SSUH2: variants seen among roughly 807,000 people sequenced by gnomAD.
SSUH2 encodes the protein ssu-2 homolog, also known as protein SSUH2 homolog.
Under a neutral mutation model 55.3 loss-of-function variants are expected in SSUH2, and 47 were observed. That is an observed-to-expected ratio of 0.85 (90% CI 0.67 to 1.08). The LOEUF is 1.08. Among genes scored for constraint, SSUH2 ranks in the 50% least tolerant of loss-of-function variants. The pLI, the probability that SSUH2 is intolerant of heterozygous loss-of-function variation, is 0.00. For missense variants in SSUH2, 535 were observed against 490.7 expected (o/e 1.09, Z -0.85); for synonymous variants, 212 against 191.5 (o/e 1.11, Z -0.89).
chr3:8,668,650 G>A (rs537978268), intron 5 of SSUH2, among the ~76,000 whole-genome samples: 57 of 152,274 alleles, frequency 3.7e-4, no homozygotes, highest in African/African-American at 1.3e-3. Context: ...TATTAGGGAT[G>A]AATTAACCTT....
At chr3:8,642,802 T>C (rs1053377818) in intron 1 of SSUH2, among the ~76,000 whole-genome samples, 5 of 152,204 alleles carry the variant, frequency 3.3e-5, no homozygotes, top group Non-Finnish European at 7.3e-5. Context: ...ATTTAAATTA[T>C]GTAAGGCCTG....
chr3:8,680,065 C>A (rs1447317996), intron 1 of SSUH2, among the ~76,000 whole-genome samples: 3 of 152,144 alleles, frequency 2.0e-5, no homozygotes, highest in African/African-American at 7.2e-5. Flanking sequence ...CCCGATCTGA[C>A]AAAGCCTTTT....
intron 5 of SSUH2, among the ~76,000 whole-genome samples, chr3:8,665,349 G>A (rs11716655): frequency 0.046 from 7,037 of 152,152 alleles, 216 homozygotes; most frequent in Middle Eastern, 0.071. Context: ...GAGGACCCTC[G>A]GTCATCTTTT....
chr3:8,628,992 A>G (rs1698185990), intron 7 of SSUH2, among the ~76,000 whole-genome samples: 1 of 152,148 alleles, frequency 6.6e-6, no homozygotes, highest in Non-Finnish European at 1.5e-5. Context: ...AGTAGCTGGG[A>G]CTACAGGCGC....
chr3:8,630,158 C>A (rs1034641371), intron 6 of SSUH2, among the ~76,000 whole-genome samples: 2 of 152,200 alleles, frequency 1.3e-5, no homozygotes, highest in Non-Finnish European at 2.9e-5. Flanking sequence ...ATAGCCTTGG[C>A]CCCCTTGAGA....
At chr3:8,656,834 T>C (rs1215023972) in intron 7 of SSUH2, among the ~76,000 whole-genome samples, 2 of 151,964 alleles carry the variant, frequency 1.3e-5, no homozygotes, top group Non-Finnish European at 2.9e-5. Context: ...TCCTCTTCCA[T>C]GGGATTTACC....
At chr3:8,652,222 G>A (rs2125324999) in intron 7 of SSUH2, 1 of 152,478 alleles carries the variant, frequency 6.6e-6, no homozygotes, top group East Asian at 1.9e-4. Flanking sequence ...CAAGCACACA[G>A]AGCCCTCCTC....
At chr3:8,651,229 T>A (rs538538285) in intron 7 of SSUH2, among the ~76,000 whole-genome samples, 2 of 152,238 alleles carry the variant, frequency 1.3e-5, no homozygotes, top group Non-Finnish European at 2.9e-5. Context: ...CCCGTCCTTG[T>A]GTTTGCAGAG....
At chr3:8,678,623 C>CT (rs56000478) in intron 2 of SSUH2, among the ~76,000 whole-genome samples, 10 of 63,652 alleles carry the variant, frequency 1.6e-4, no homozygotes, top group African/African-American at 4.9e-4. Flanking sequence ...TCTTCCCCCC[C>CT]GGCTTTTGGG....
At chr3:8,624,755 G>A (rs970412050) in intron 10 of SSUH2, among the ~76,000 whole-genome samples, 5 of 152,124 alleles carry the variant, frequency 3.3e-5, no homozygotes, top group Non-Finnish European at 7.4e-5. Context: ...AAGCTTTATC[G>A]ACAAAGGCAG....
chr3:8,635,368 G>T lies in SSUH2; in HGVS notation c.141C>A (p.Phe47Leu). Residue 47 changes from phenylalanine to leucine, a missense_variant, in exon 3 of 12, where the codon TTC (phenylalanine) becomes TTA (leucine). Coordinates refer to ENST00000544814, the MANE Select transcript of SSUH2 (RefSeq NM_001256748.3). The stretch of plus-strand genomic sequence containing the variant: ...TCCCTGGGGCCTCCAAAGGTGGGAA[G>T]AATATCTGTCCTCCTGGAGAAGGGA... ...WLLQGGRGQI[F>L]FPPLEAPGRP... 1 of 1,535,938 alleles carries T rather than the reference G, an allele frequency of 6.5e-7. No individual in the cohort carries two copies.
At chr3:8,634,320 C>T in intron 3 of SSUH2, 2 of 1,183,712 alleles carry the variant, frequency 1.7e-6, no homozygotes, top group Non-Finnish European at 2.2e-6. Context: ...CAGACAGGGA[C>T]CCTAACCTCG....
intron 4 of SSUH2, among the ~76,000 whole-genome samples, chr3:8,633,387 T>A (rs1456208470): frequency 2.4e-5 from 1 of 41,996 alleles, no homozygotes; most frequent in African/African-American, 5.5e-5. Context: ...CAGGTGATCC[T>A]GACCTCAGGT....
intron 7 of SSUH2, among the ~76,000 whole-genome samples, chr3:8,657,693 C>T (rs928384170): frequency 5.9e-5 from 9 of 152,168 alleles, no homozygotes; most frequent in African/African-American, 2.2e-4. Context: ...CTACCACATC[C>T]TACCAAGAGG....
chr3:8,660,545 T>C (rs548697000), intron 6 of SSUH2, among the ~76,000 whole-genome samples: 1 of 152,322 alleles, frequency 6.6e-6, no homozygotes, highest in South Asian at 2.1e-4. Flanking sequence ...GACAACCCCC[T>C]GCCAGAGCAA....
intron 5 of SSUH2, among the ~76,000 whole-genome samples, chr3:8,666,905 C>T (rs901243128): frequency 6.6e-6 from 1 of 152,196 alleles, no homozygotes; most frequent in Non-Finnish European, 1.5e-5. Context: ...ACCACATTTA[C>T]CAGTTTACCA....
chr3:8,651,095 T>G (rs1250404276), intron 7 of SSUH2, among the ~76,000 whole-genome samples: 1 of 152,246 alleles, frequency 6.6e-6, no homozygotes, highest in African/African-American at 2.4e-5. Context: ...GATCCATTTA[T>G]CTACAAAGCC....
chr3:8,634,234 G>A, intron 3 of SSUH2: 1 of 586,218 alleles, frequency 1.7e-6, no homozygotes, highest in Non-Finnish European at 2.7e-6. Flanking sequence ...ATGATGGGAA[G>A]ACCCCAGCCA....
chr3:8,674,382 C>T (rs916159000), intron 3 of SSUH2, among the ~76,000 whole-genome samples: 4 of 152,194 alleles, frequency 2.6e-5, no homozygotes, highest in African/African-American at 7.2e-5. Flanking sequence ...GGAAGGGGCC[C>T]GGCTCAACCT....
Sources: allele counts gnomAD v4.1 joint callset (sites outside exome capture counted in the v4.1 genomes callset), GRCh38; gene constraint gnomAD v4.1.1; transcripts MANE v1.5; gene names NCBI Gene and HGNC (gene_info 2026-07-23, HGNC 2026-07-21).